The following AMMECR1 variants were observed in gnomAD, a reference collection of about 807,000 sequenced individuals.
The protein encoded by AMMECR1 is nuclear protein AMMECR1.
Under a neutral mutation model 22.5 loss-of-function variants are expected in AMMECR1, and 3 were observed. That is an observed-to-expected ratio of 0.13 (90% CI 0.06 to 0.35). AMMECR1 has a LOEUF of 0.35. Among genes scored for constraint, AMMECR1 ranks in the 10% least tolerant of loss-of-function variants. AMMECR1 has a pLI of 1.00. For synonymous variants in AMMECR1, 130 were observed against 116.7 expected, an observed-to-expected ratio of 1.11 and a Z score of -0.74; for missense variants, 235 against 278.7, an observed-to-expected ratio of 0.84 and a Z score of 1.12.
At chrX:110,415,913 A>C (rs1285396852) in intron 2 of AMMECR1, among the ~76,000 whole-genome samples, 1 of 110,232 alleles carries the variant, frequency 9.1e-6, no homozygotes, top group Non-Finnish European at 1.9e-5. Flanking sequence ...TAAAATGTTT[A>C]GGAATTTCAT....
intron 1 of AMMECR1, among the ~76,000 whole-genome samples, chrX:110,428,827 C>T: frequency 8.9e-6 from 1 of 112,114 alleles, no homozygotes; most frequent in Admixed American, 9.4e-5. Context: ...AAATGTGGAA[C>T]CCCGTGTTAA....
intron 2 of AMMECR1, among the ~76,000 whole-genome samples, chrX:110,411,274 G>T (rs1427507813): frequency 8.9e-6 from 1 of 111,903 alleles, no homozygotes; most frequent in Non-Finnish European, 1.9e-5. Context: ...CAAGATCTGG[G>T]AAGAGTTTGG....
At chrX:110,287,182 A>C (rs1162440397) in intron 1 of AMMECR1, among the ~76,000 whole-genome samples, 1 of 112,274 alleles carries the variant, frequency 8.9e-6, no homozygotes, top group African/African-American at 3.2e-5. Context: ...ACTATCTCTT[A>C]CTATTGTGTT....
chrX:110,392,415 T>TA (rs200291348), intron 2 of AMMECR1, among the ~76,000 whole-genome samples: 1,396 of 110,098 alleles, frequency 0.013, 18 homozygotes, highest in Middle Eastern at 0.032. Context: ...AGTTAGGACT[T>TA]ACAGTCATGT....
rs2067381351 is a variant in AMMECR1, at chrX:110,198,414, T to A, written c.*106A>T. 2.5e-6 allele frequency: 1 copy of A among 400,439 alleles called. No homozygotes were observed. Among genetic ancestry groups the A allele is most frequent in the African/African-American group, 2.6e-5 (1 of 38,727 alleles). The allele number at this position is 400,439 out of a possible 1,213,427, so 33.0% of individuals were successfully genotyped here. A position where few individuals can be genotyped will look rare whatever the true frequency, so the allele number is the denominator to read the frequency against. Reference sequence around the variant, plus strand: ...AGCTTCACCATGGCAACGGAAACTATCATCATAAAATGGTACAGTAAAAGA... The same window carrying A: ...AGCTTCACCATGGCAACGGAAACTAACATCATAAAATGGTACAGTAAAAGA... On this transcript the variant is annotated 3_prime_UTR_variant, in exon 6 of 6. Coordinates refer to ENST00000262844, the MANE Select transcript of AMMECR1 (RefSeq NM_015365.3).
At chrX:110,376,754 G>A (rs2068379649) in intron 2 of AMMECR1, among the ~76,000 whole-genome samples, 1 of 112,556 alleles carries the variant, frequency 8.9e-6, no homozygotes, top group African/African-American at 3.2e-5. Context: ...ACCTCCCTGC[G>A]ACTGTTCTGT....
intron 3 of AMMECR1, among the ~76,000 whole-genome samples, chrX:110,212,781 A>G (rs185001129): frequency 1.1e-4 from 12 of 112,312 alleles, no homozygotes; most frequent in African/African-American, 3.9e-4. Flanking sequence ...AAGATAAACC[A>G]TAAAGACTTC....
At chrX:110,235,384 G>C (rs1322685214) in intron 2 of AMMECR1, among the ~76,000 whole-genome samples, 2 of 112,513 alleles carry the variant, frequency 1.8e-5, no homozygotes, top group South Asian at 3.7e-4. Context: ...CTGTTGGTGG[G>C]AGTATAAATT....
At chrX:110,324,094 T>G (rs1286848009) in intron 2 of AMMECR1, among the ~76,000 whole-genome samples, 1 of 108,724 alleles carries the variant, frequency 9.2e-6, no homozygotes, top group African/African-American at 3.4e-5. Flanking sequence ...CCTCCCAGGT[T>G]CAAGCAATTC....
At chrX:110,264,873 C>T (rs1194619440) in intron 1 of AMMECR1, among the ~76,000 whole-genome samples, 1 of 111,538 alleles carries the variant, frequency 9.0e-6, no homozygotes, top group Non-Finnish European at 1.9e-5. Context: ...TTCTAGGAGG[C>T]TGATACTAAC....
At chrX:110,310,762 A>C (rs1016032731) in intron 1 of AMMECR1, among the ~76,000 whole-genome samples, 1 of 111,727 alleles carries the variant, frequency 9.0e-6, no homozygotes, top group Non-Finnish European at 1.9e-5. Context: ...ACTTCTTCCA[A>C]TTCTCAATTT....
intron 2 of AMMECR1, among the ~76,000 whole-genome samples, chrX:110,405,239 T>C (rs1384704512): frequency 2.7e-5 from 3 of 111,118 alleles, no homozygotes; most frequent in Non-Finnish European, 5.7e-5. Flanking sequence ...TTGTTATCCC[T>C]CAGGGAAGAA....
At chrX:110,424,184 G>A (rs1052999641) in intron 2 of AMMECR1, among the ~76,000 whole-genome samples, 4 of 111,577 alleles carry the variant, frequency 3.6e-5, no homozygotes, top group Admixed American at 9.5e-5. Flanking sequence ...TTCAAACCCA[G>A]GTTTATCTGA....
chrX:110,390,727 A>G (rs2068488600), intron 2 of AMMECR1, among the ~76,000 whole-genome samples: 1 of 112,348 alleles, frequency 8.9e-6, no homozygotes, highest in East Asian at 2.8e-4. Context: ...CCAAGCAGCT[A>G]ATTAATCCAG....
chrX:110,293,379 T>C (rs2067918747), intron 1 of AMMECR1, among the ~76,000 whole-genome samples: 1 of 111,869 alleles, frequency 8.9e-6, no homozygotes, highest in African/African-American at 3.2e-5. Flanking sequence ...TTTTCCTTCA[T>C]CTAGTTTAGA....
chrX:110,426,040 T>C (rs1332941494), intron 2 of AMMECR1, among the ~76,000 whole-genome samples: 1 of 112,062 alleles, frequency 8.9e-6, no homozygotes, highest in Non-Finnish European at 1.9e-5. Context: ...TGGCCCTTGC[T>C]CTCCAGGGGT....
At chrX:110,406,506 T>C (rs1421175561) in intron 2 of AMMECR1, among the ~76,000 whole-genome samples, 2 of 112,070 alleles carry the variant, frequency 1.8e-5, no homozygotes, top group Non-Finnish European at 3.8e-5. Context: ...CAGTCTATCA[T>C]TGATGGACAT....
At chrX:110,333,820 C>G (rs148357114) in intron 2 of AMMECR1, among the ~76,000 whole-genome samples, 1,777 of 105,436 alleles carry the variant, frequency 0.017, 48 homozygotes, top group African/African-American at 0.058. Flanking sequence ...ACACCAGGGC[C>G]TGTCAGGGGG....
At chrX:110,375,831 T>C (rs939897702) in intron 2 of AMMECR1, among the ~76,000 whole-genome samples, 4 of 112,004 alleles carry the variant, frequency 3.6e-5, no homozygotes, top group African/African-American at 1.3e-4. Context: ...GTATAAGACA[T>C]TTTGAGTGAG....
Sources: allele counts gnomAD v4.1 joint callset (sites outside exome capture counted in the v4.1 genomes callset), GRCh38; gene constraint gnomAD v4.1.1; transcripts MANE v1.5; gene names NCBI Gene and HGNC (gene_info 2026-07-23, HGNC 2026-07-21).